Variants in SCIN observed in about 807,000 individuals in gnomAD.
The protein encoded by SCIN is scinderin.
In SCIN, 91 loss-of-function variants were observed where a neutral mutation model predicts 91.8. That is an observed-to-expected ratio of 0.99 (90% CI 0.84 to 1.18). SCIN has a LOEUF of 1.18. Ranked by LOEUF, SCIN falls within the 50% of genes most tolerant of loss-of-function variation. The pLI is 0.00. For missense variants in SCIN, 1,087 were observed against 863.9 expected (o/e 1.26, Z -3.24); for synonymous variants, 367 against 312.6 (o/e 1.17, Z -1.84).
intron 4 of SCIN, among the ~76,000 whole-genome samples, chr7:12,609,850 C>G (rs532526825): frequency 7.2e-6 from 1 of 139,748 alleles, no homozygotes; most frequent in African/African-American, 2.7e-5. Flanking sequence ...GTCATACATG[C>G]AATGATTGTT....
In SCIN at chr7:12,644,129, A is replaced by G. The variant is rs765665684; in HGVS notation, c.1582-9A>G. On this transcript the variant is annotated splice_polypyrimidine_tract_variant and intron_variant, in intron 11 of 15. Transcript: ENST00000297029. The stretch of plus-strand genomic sequence containing the variant: ...TTGAATCATTGTTTTATTTTTCTTC[A>G]TATTCCAGGTTGATGTTGATGCAAA... 1.2e-5 allele frequency: 19 copies of G among 1,607,710 alleles called. No individual in the cohort carries two copies. The highest frequency in any genetic ancestry group is 1.3e-5 in the Non-Finnish European group (15 of 1,176,280).
chr7:12,636,283 T>C, intron 10 of SCIN, 148 bp downstream of exon 10: 1 of 615,356 alleles, frequency 1.6e-6, no homozygotes, highest in African/African-American at 1.8e-5. Flanking sequence ...ATATTCCTAC[T>C]CTCATTTCAA....
intron 3 of SCIN, among the ~76,000 whole-genome samples, chr7:12,592,464 G>A (rs1782745343): frequency 6.6e-6 from 1 of 152,004 alleles, no homozygotes; most frequent in Admixed American, 6.5e-5. Flanking sequence ...GGAACATTGG[G>A]AAATTTGGAA....
intron 3 of SCIN, among the ~76,000 whole-genome samples, chr7:12,590,863 C>T (rs937456553): frequency 3.9e-5 from 6 of 151,914 alleles, no homozygotes; most frequent in Non-Finnish European, 5.9e-5. Context: ...CAGATAGCAG[C>T]GTGGGAACGA....
At chr7:12,602,101 A>G (rs895871557) in intron 3 of SCIN, among the ~76,000 whole-genome samples, 1 of 152,166 alleles carries the variant, frequency 6.6e-6, no homozygotes, top group Non-Finnish European at 1.5e-5. Flanking sequence ...TCTATTTTCC[A>G]TAAGCATCAG....
chr7:12,591,491 T>C (rs2115230145), intron 3 of SCIN, among the ~76,000 whole-genome samples: 1 of 152,304 alleles, frequency 6.6e-6, no homozygotes, highest in East Asian at 1.9e-4. Flanking sequence ...ATTTCCTTTC[T>C]GTTGTCCTAA....
intron 3 of SCIN, among the ~76,000 whole-genome samples, chr7:12,583,653 A>G (rs1782531303): frequency 6.6e-6 from 1 of 152,054 alleles, no homozygotes; most frequent in Non-Finnish European, 1.5e-5. Context: ...ATCATTTATT[A>G]TTTTGCAGAA....
Position 12,625,784 on chromosome 7 carries a change from G to A in SCIN, c.915G>A (p.Glu305=). 3.1e-6 allele frequency: 5 copies of A among 1,612,102 alleles called. No individual in the cohort carries two copies. Among genetic ancestry groups the A allele is most frequent in the East Asian group, 4.5e-5 (2 of 44,794 alleles). The change falls in exon 7 of 16, where the codon GAG becomes GAA. Residue 305 remains glutamate, a synonymous_variant. Coordinates refer to ENST00000297029, the MANE Select transcript of SCIN (RefSeq NM_001112706.3). ...VWKGKDANPQ[E]RKAAMKTAEE... ...TAGGTAAAGATGCTAATCCCCAAGA[G>A]AGGAAGGCTGCAATGAAGACAGCTG...
intron 3 of SCIN, 118 bp from the exon 4 acceptor site, chr7:12,604,396 C>T: frequency 3.5e-6 from 3 of 864,988 alleles, no homozygotes; most frequent in Middle Eastern, 3.0e-4. Flanking sequence ...TATGTATATA[C>T]CTCAACAATA....
intron 13 of SCIN, among the ~76,000 whole-genome samples, chr7:12,645,592 G>C (rs2115299825): frequency 6.6e-6 from 1 of 152,174 alleles, no homozygotes; most frequent in East Asian, 1.9e-4. Context: ...CATCACCCAG[G>C]TATTAAGCCT....
chr7:12,572,303 G>T (rs771806826), intron 1 of SCIN, among the ~76,000 whole-genome samples: 2 of 152,190 alleles, frequency 1.3e-5, no homozygotes, highest in Admixed American at 1.3e-4. Flanking sequence ...GCTTCTTGAT[G>T]CATTGCTGTT....
chr7:12,609,985 G>A (rs920839443), intron 4 of SCIN, among the ~76,000 whole-genome samples: 5 of 152,154 alleles, frequency 3.3e-5, no homozygotes, highest in Admixed American at 3.3e-4. Context: ...TTATTGTCTG[G>A]TTGAGGAGAT....
intron 1 of SCIN, 149 bp downstream of exon 1, chr7:12,571,134 C>T: frequency 1.2e-6 from 1 of 844,928 alleles, no homozygotes; most frequent in Non-Finnish European, 1.8e-6. Context: ...TGGGGCCGGC[C>T]ACTTTCTCCC....
rs1784174611 is a variant in SCIN, at chr7:12,656,999, T to C, written c.*4284T>C. On this transcript the variant is annotated 3_prime_UTR_variant, in exon 16 of 16. Coordinates refer to ENST00000297029, the MANE Select transcript of SCIN (RefSeq NM_001112706.3). ...AAATGACTAAAATCAAATATTTTAC[T>C]TGGTAATGCCAAGTAAAAATACAGG... is the stretch of plus-strand genomic sequence containing the variant. 1 of 151,890 alleles carries C rather than the reference T, an allele frequency of 6.6e-6. No homozygotes were observed. Among genetic ancestry groups the C allele is most frequent in the Admixed American group, 6.6e-5 (1 of 15,248 alleles). 9.4% of individuals were successfully genotyped at this position (151,890 alleles called of 1,614,324 possible). A position where few individuals can be genotyped will look rare whatever the true frequency, so the allele number is the denominator to read the frequency against.
chr7:12,637,747 T>C (rs534208245), intron 10 of SCIN, among the ~76,000 whole-genome samples: 1 of 152,266 alleles, frequency 6.6e-6, no homozygotes, highest in East Asian at 1.9e-4. Flanking sequence ...AAATTACTTG[T>C]CGAGAATGAC....
Position 12,604,548 on chromosome 7 carries a change from A to G in SCIN, c.551A>G (p.Lys184Arg), listed in dbSNP as rs374712534. 5.8e-6 allele frequency: 9 copies of G among 1,551,870 alleles called. No homozygotes were observed. The highest frequency in any genetic ancestry group is 3.6e-5 in the South Asian group (3 of 84,052). ...IYQWCGSSCN[K>R]YERLKANQVA... ...CAGTGGTGTGGTTCCTCGTGCAACA[A>G]ATATGAACGTCTGAAGGCAAACCAG... Residue 184 changes from lysine to arginine, a missense_variant, in exon 4 of 16, where the codon AAA becomes AGA. Coordinates refer to ENST00000297029, the MANE Select transcript of SCIN (RefSeq NM_001112706.3).
At chr7:12,645,576 T>G (rs946462675) in intron 13 of SCIN, among the ~76,000 whole-genome samples, 3 of 152,140 alleles carry the variant, frequency 2.0e-5, no homozygotes, top group Non-Finnish European at 4.4e-5. Flanking sequence ...GTTGTACAGA[T>G]TATTTCATCA....
intron 15 of SCIN, among the ~76,000 whole-genome samples, chr7:12,652,343 A>ATG (rs75067966): frequency 0.23 from 34,869 of 152,068 alleles, 4,119 homozygotes; most frequent in Middle Eastern, 0.25. Context: ...TGAGATTCAC[A>ATG]TGTTGCCTTT....
intron 2 of SCIN, among the ~76,000 whole-genome samples, chr7:12,579,735 G>A (rs957137637): frequency 4.6e-5 from 7 of 152,186 alleles, no homozygotes; most frequent in Non-Finnish European, 7.4e-5. Flanking sequence ...GACCAATATG[G>A]TGAAACTCCC....
Sources: allele counts gnomAD v4.1 joint callset (sites outside exome capture counted in the v4.1 genomes callset), GRCh38; gene constraint gnomAD v4.1.1; transcripts MANE v1.5; gene names NCBI Gene and HGNC (gene_info 2026-07-23, HGNC 2026-07-21).